SNX25: variants seen among roughly 807,000 people sequenced by gnomAD.
SNX25 encodes sorting nexin 25, also known as sorting nexin-25.
A neutral mutation model predicts 113.7 loss-of-function variants in SNX25; 62 were observed. The observed-to-expected ratio is 0.55, with a 90% CI of 0.44 to 0.67. SNX25 has a LOEUF of 0.67. SNX25 is among the 30% of genes least tolerant of loss of function. The pLI, the probability that SNX25 is intolerant of heterozygous loss-of-function variation, is 0.00. For synonymous variants in SNX25, 421 were observed against 436.2 expected (o/e 0.97, Z 0.43); for missense variants, 1,014 against 1,161.0 (o/e 0.87, Z 1.84).
At chr4:185,375,487 A>AAAAAAAGACATATAT in the SNX25 span, 1 of 12,010 alleles carries the variant, frequency 8.3e-5, no homozygotes, top group Non-Finnish European at 1.5e-4. Flanking sequence ...AAAAAAAAAA[A>AAAAAAAGACATATAT]ATATATATAT....
At position 185,334,629 on chromosome 4, in the gene SNX25, T is replaced by A. The variant is rs1045402128; in HGVS notation, c.1914+1870T>A. Among the ~76,000 whole-genome samples, 4 of 152,246 alleles carry A rather than the reference T, an allele frequency of 2.6e-5. 1 individual carries two copies. The highest frequency in any genetic ancestry group is 2.6e-4 in the Admixed American group (4 of 15,282). ...GGATTCATCTCATTATAAATTAAAA[T>A]GCATCTATGGGTAACAGTATGAAAG... On this transcript the variant is annotated intron_variant, in intron 10 of 18. Coordinates refer to ENST00000652585, the MANE Select transcript of SNX25 (RefSeq NM_001378034.2). This position sits in a 1 kb window ranked among gnomAD's most constrained non-coding sequence, Gnocchi z 4.2.
chr4:185,241,112 G>A (rs984866559), intron 1 of SNX25, among the ~76,000 whole-genome samples: 36 of 150,404 alleles, frequency 2.4e-4, no homozygotes, highest in African/African-American at 7.1e-4. Flanking sequence ...GGCACTTTGC[G>A]GGGCCAAGGC....
intron 1 of SNX25, among the ~76,000 whole-genome samples, chr4:185,241,319 A>T (rs902595485): frequency 6.6e-6 from 1 of 152,090 alleles, no homozygotes; most frequent in Non-Finnish European, 1.5e-5. Flanking sequence ...CCACCAAAAA[A>T]ATATGAAAAC....
chr4:185,319,448 C>A (rs1452035562), intron 7 of SNX25, among the ~76,000 whole-genome samples: 1 of 150,236 alleles, frequency 6.7e-6, no homozygotes, highest in Admixed American at 6.7e-5. Context: ...ATCTGCCCGC[C>A]TTGGCCTGCC....
In SNX25 at chr4:185,288,039, G is replaced by A; in HGVS notation, c.1119G>A (p.Gln373=). 6.2e-7 allele frequency: 1 copy of A among 1,613,188 alleles called. No individual in the cohort carries two copies. The part of the protein sequence containing the change: ...LRYQIVVEII[Q]ATTISSFPQL... ...ATCAAATTGTAGTGGAAATAATCCA[G>A]GCGACTACAATTAGCAGCTTTCCCC... Residue 373 remains glutamine (Q), a synonymous_variant, in exon 6 of 19, where the codon CAG becomes CAA. Transcript: ENST00000652585.
intron 14 of SNX25, 65 bp from the exon 15 acceptor site, chr4:185,353,420 G>A (rs755525702): frequency 2.4e-6 from 3 of 1,248,336 alleles, no homozygotes; most frequent in African/African-American, 1.5e-5. Flanking sequence ...CTTGAAGAGG[G>A]AGAACAACTC....
In SNX25 at chr4:185,210,871, A is replaced by G. The variant is rs1737672379; in HGVS notation, c.429+616A>G. Among the ~76,000 whole-genome samples, 1 of 152,116 alleles carries G rather than the reference A, an allele frequency of 6.6e-6. No individual in the cohort carries two copies. The highest frequency in any genetic ancestry group is 2.1e-4 in the South Asian group (1 of 4,828). On this transcript the variant is annotated intron_variant, in intron 1 of 18. Transcript: ENST00000652585. This position sits in a 1 kb window ranked among gnomAD's most constrained non-coding sequence, Gnocchi z 4.4. Reference sequence around the variant, plus strand: ...ACTGGTTTGCAACAAAAGGAAAGCCATCCTCAGCGCGCTGTGGGACACTAG... The same window carrying G: ...ACTGGTTTGCAACAAAAGGAAAGCCGTCCTCAGCGCGCTGTGGGACACTAG...
In SNX25 at chr4:185,290,206, G is replaced by A. The variant is rs535941375; in HGVS notation, c.1162+2124G>A. Among the ~76,000 whole-genome samples the A allele has an allele frequency of 3.9e-4, 59 of 152,338 alleles. No homozygotes were observed. The South Asian group carries it at 8.9e-3, about 23-fold the overall frequency. ...AAGGCCACATCCTAAGGTACTTGGC[G>A]TTAGGACTTCAGCATCTGAATTTGT... On this transcript the variant is annotated intron_variant, in intron 6 of 18. Coordinates refer to ENST00000652585, the MANE Select transcript of SNX25 (RefSeq NM_001378034.2).
intron 15 of SNX25, 55 bp from the exon 16 acceptor site, chr4:185,357,616 T>A: frequency 7.3e-7 from 1 of 1,365,392 alleles, no homozygotes; most frequent in South Asian, 1.2e-5. Flanking sequence ...GCTATGAAAA[T>A]GTCCCAAATT....
intron 5 of SNX25, among the ~76,000 whole-genome samples, chr4:185,281,709 GAA>G (rs1750585106): frequency 6.6e-6 from 1 of 152,152 alleles, no homozygotes; most frequent in South Asian, 2.1e-4. Flanking sequence ...TGGCAACTCT[GAA>G]AACATTCTTA....
rs138282352 is a variant in SNX25 at position 185,307,402 on chromosome 4, C to T, written c.1163-3233C>T. Among the ~76,000 whole-genome samples the T allele has an allele frequency of 3.1e-3, 470 of 152,304 alleles. 4 individuals carry two copies. The highest frequency in any genetic ancestry group is 0.013 in the South Asian group (63 of 4,830). Reference sequence around the variant, plus strand: ...TCTCACCTGTCCAGATATGTAGTTCCCATGCCTAGGGAGGAGCATTCTGTT... The same window carrying T: ...TCTCACCTGTCCAGATATGTAGTTCTCATGCCTAGGGAGGAGCATTCTGTT... On this transcript the variant is annotated intron_variant, in intron 6 of 18. Transcript: ENST00000652585.
intron 5 of SNX25, among the ~76,000 whole-genome samples, chr4:185,274,605 CA>C (rs1749398272): frequency 6.6e-6 from 1 of 152,206 alleles, no homozygotes; most frequent in South Asian, 2.1e-4. Context: ...ACTTCCCACA[CA>C]AGCATGAGAA....
In SNX25 at chr4:185,323,180, A is replaced by G. The variant is rs1205983959; in HGVS notation, c.1477-348A>G. On this transcript the variant is annotated intron_variant, in intron 8 of 18. Coordinates refer to ENST00000652585, the MANE Select transcript of SNX25 (RefSeq NM_001378034.2). ...GCACTTCTAGTTACTTATATTAGGT[A>G]AAAAGTTAAATTGACATTAGCTAAT... 7.0e-4 allele frequency among the ~76,000 whole-genome samples: 106 copies of G among 152,304 alleles called. 1 individual carries two copies. Among genetic ancestry groups the G allele is most frequent in the Non-Finnish European group, 7.4e-5 (5 of 68,018 alleles).
chr4:185,255,220 G>A (rs928532534), intron 2 of SNX25, among the ~76,000 whole-genome samples: 1 of 151,660 alleles, frequency 6.6e-6, no homozygotes, highest in Non-Finnish European at 1.5e-5. Context: ...TGCAACCTAC[G>A]CCTCCTGGGT....
At chr4:185,288,781 G>T (rs1212163504) in intron 6 of SNX25, among the ~76,000 whole-genome samples, 1 of 152,162 alleles carries the variant, frequency 6.6e-6, no homozygotes, top group Non-Finnish European at 1.5e-5. Context: ...CCCTTTGCAT[G>T]TACAAAGGTA....
At chr4:185,234,120 G>A (rs2126421300) in intron 1 of SNX25, among the ~76,000 whole-genome samples, 1 of 152,120 alleles carries the variant, frequency 6.6e-6, no homozygotes, top group Admixed American at 6.5e-5. Flanking sequence ...AGCTTCCCAA[G>A]GTGCTGGGTT....
At chr4:185,250,812 A>AT (rs1013710671) in intron 2 of SNX25, among the ~76,000 whole-genome samples, 1 of 150,520 alleles carries the variant, frequency 6.6e-6, no homozygotes, top group Non-Finnish European at 1.5e-5. Context: ...TAGTTTTTAA[A>AT]TTTTTTTTTC....
chr4:185,291,514 A>G (rs1752166641), intron 6 of SNX25, among the ~76,000 whole-genome samples: 1 of 152,186 alleles, frequency 6.6e-6, no homozygotes, highest in Non-Finnish European at 1.5e-5. Context: ...AAGTACCACA[A>G]ACTGTCTGGC....
intron 2 of SNX25, among the ~76,000 whole-genome samples, chr4:185,256,715 T>A (rs1441742474): frequency 1.4e-5 from 2 of 139,954 alleles, no homozygotes; most frequent in African/African-American, 5.2e-5. Context: ...AACCTCCACC[T>A]CCCAGGCTCA....
Sources: gnomAD v4.1 joint callset for allele counts (sites outside exome capture counted in the v4.1 genomes callset) on GRCh38, gnomAD v4.1.1 for gene constraint, Gnocchi (gnomAD v3.1) non-coding constraint, MANE v1.5 for transcripts, NCBI Gene and HGNC (gene_info 2026-07-23, HGNC 2026-07-21) for gene names.